The following NAV3 variants were observed in gnomAD, a reference collection of about 807,000 sequenced individuals.
The protein encoded by NAV3 is neuron navigator 3.
Under a neutral mutation model 244.7 loss-of-function variants are expected in NAV3, and 87 were observed. The observed-to-expected ratio is 0.36, with a 90% CI of 0.30 to 0.42. The LOEUF (loss-of-function observed/expected upper bound fraction) is 0.42. Among genes scored for constraint, NAV3 ranks in the 20% least tolerant of loss-of-function variants. The pLI is 1.00. For synonymous variants in NAV3, 1,126 were observed against 1,042.2 expected (o/e 1.08, Z -1.55); for missense variants, 2,663 against 2,893.3 (o/e 0.92, Z 1.83).
chr12:78,086,817 CA>C (rs1296284209), intron 12 of NAV3, among the ~76,000 whole-genome samples: 9 of 152,032 alleles, frequency 5.9e-5, no homozygotes, highest in Non-Finnish European at 1.2e-4. Context: ...TCAATCATTA[CA>C]TGTCCTCATC....
intron 38 of NAV3, among the ~76,000 whole-genome samples, chr12:78,204,574 A>T (rs576453410): frequency 6.4e-4 from 97 of 152,200 alleles, no homozygotes; most frequent in African/African-American, 2.2e-3. Flanking sequence ...TATTTTTTAA[A>T]ATCTTCCATA....
intron 12 of NAV3, among the ~76,000 whole-genome samples, chr12:78,116,418 C>T (rs539420130): frequency 6.6e-6 from 1 of 152,218 alleles, no homozygotes; most frequent in East Asian, 1.9e-4. Context: ...TTTGTACATG[C>T]TTTATGATTC....
intron 2 of NAV3, among the ~76,000 whole-genome samples, chr12:77,646,400 G>A (rs146027693): frequency 1.5e-3 from 221 of 152,240 alleles, no homozygotes; most frequent in African/African-American, 5.1e-3. Flanking sequence ...GTTTTCTGTT[G>A]AGCCCTTTGT....
chr12:77,793,714 A>C (rs1050917244), intron 2 of NAV3, among the ~76,000 whole-genome samples: 1 of 152,176 alleles, frequency 6.6e-6, no homozygotes, highest in Non-Finnish European at 1.5e-5. Flanking sequence ...TTCTTTATCC[A>C]GTCTATCATT....
Position 78,028,465 on chromosome 12 carries a change from A to G in NAV3, c.2023+6603A>G, listed in dbSNP as rs1265608202. Among the ~76,000 whole-genome samples the G allele has an allele frequency of 2.6e-5, 4 of 152,196 alleles. No individual in the cohort carries two copies. In the East Asian group the frequency reaches 7.7e-4, roughly 29 times the overall value. Reference sequence around the variant, plus strand: ...AAAATCTTTGATGCTGAAACAACACAAGTTTTGATGCCTCAGAAAGATACT... The same window carrying G: ...AAAATCTTTGATGCTGAAACAACACGAGTTTTGATGCCTCAGAAAGATACT... On this transcript the variant is annotated intron_variant, in intron 9 of 39. Transcript: ENST00000397909.
intron 20 of NAV3, among the ~76,000 whole-genome samples, chr12:78,142,369 G>A (rs150376911): frequency 6.8e-4 from 103 of 151,824 alleles, no homozygotes; most frequent in African/African-American, 2.4e-3. Context: ...AAAGTGTTCT[G>A]TATCTACACT....
chr12:77,733,123 G>A (rs924844919), intron 2 of NAV3, among the ~76,000 whole-genome samples: 1 of 151,982 alleles, frequency 6.6e-6, no homozygotes, highest in African/African-American at 2.4e-5. Context: ...AAATATCAGA[G>A]GAGGGGATAT....
chr12:77,957,874 C>T (rs1891515451), intron 3 of NAV3, among the ~76,000 whole-genome samples: 1 of 152,068 alleles, frequency 6.6e-6, no homozygotes, highest in Non-Finnish European at 1.5e-5. Context: ...CCATGTTGGC[C>T]AGGCTGGTTT....
At chr12:78,181,848 G>C (rs1357254239) in intron 30 of NAV3, among the ~76,000 whole-genome samples, 1 of 151,896 alleles carries the variant, frequency 6.6e-6, no homozygotes, top group East Asian at 1.9e-4. Context: ...TTAAAATACA[G>C]AAGGAGAAGG....
chr12:77,891,293 TATAAATTTATAAAG>T (rs1299288426), intron 1 of NAV3, among the ~76,000 whole-genome samples: 11 of 148,686 alleles, frequency 7.4e-5, no homozygotes, highest in Non-Finnish European at 1.3e-4. Context: ...TATAATTTAA[TATAAATTTATAAAG>T]ATAAATTTAT....
intron 1 of NAV3, among the ~76,000 whole-genome samples, chr12:77,833,327 TAATG>T (rs3078731): frequency 0.85 from 128,775 of 151,882 alleles, 54,778 homozygotes; most frequent in Non-Finnish European, 0.88. Flanking sequence ...ATACAGCAAT[TAATG>T]AATCAATGAA....
At chr12:77,917,825 A>T (rs573638520) in intron 1 of NAV3, among the ~76,000 whole-genome samples, 1 of 152,066 alleles carries the variant, frequency 6.6e-6, no homozygotes, top group African/African-American at 2.4e-5. Flanking sequence ...CCCAAATTAA[A>T]TACTTTCTAT....
intron 2 of NAV3, among the ~76,000 whole-genome samples, chr12:77,624,386 A>T (rs1871521593): frequency 6.6e-6 from 1 of 152,140 alleles, no homozygotes; most frequent in Non-Finnish European, 1.5e-5. Context: ...ACTCTGTGGT[A>T]ACCCATAGAA....
intron 1 of NAV3, among the ~76,000 whole-genome samples, chr12:77,892,765 G>A (rs1171528731): frequency 2.0e-5 from 3 of 152,084 alleles, no homozygotes; most frequent in Admixed American, 6.6e-5. Flanking sequence ...TGTAGATTTT[G>A]AGAAAATTAT....
intron 1 of NAV3, among the ~76,000 whole-genome samples, chr12:77,906,467 C>T (rs1413594361): frequency 2.0e-5 from 3 of 151,952 alleles, no homozygotes; most frequent in African/African-American, 4.8e-5. Flanking sequence ...ATAAAAAACA[C>T]ACTGCATTTT....
intron 12 of NAV3, among the ~76,000 whole-genome samples, chr12:78,078,033 C>T (rs1230497307): frequency 1.3e-5 from 2 of 150,990 alleles, no homozygotes; most frequent in African/African-American, 4.9e-5. Context: ...TTGAGGGCCA[C>T]GAGTGAGGGA....
chr12:77,730,429 A>C (rs1192800699), intron 2 of NAV3, among the ~76,000 whole-genome samples: 2 of 151,966 alleles, frequency 1.3e-5, no homozygotes, highest in Admixed American at 1.3e-4. Flanking sequence ...TGGAAATTAA[A>C]AGTGAGAAAA....
intron 1 of NAV3, among the ~76,000 whole-genome samples, chr12:77,845,758 A>G (rs1876524089): frequency 6.7e-6 from 1 of 149,000 alleles, no homozygotes; most frequent in Non-Finnish European, 1.5e-5. Context: ...GGTTCAAGTG[A>G]TTCTCCTGCC....
intron 2 of NAV3, among the ~76,000 whole-genome samples, chr12:77,580,932 A>C (rs553302669): frequency 4.6e-5 from 7 of 152,206 alleles, no homozygotes; most frequent in Non-Finnish European, 7.3e-5. Flanking sequence ...AGTAAGATGT[A>C]ATACTTGTTT....
Sources: gnomAD v4.1 joint callset for allele counts (sites outside exome capture counted in the v4.1 genomes callset) on GRCh38, gnomAD v4.1.1 for gene constraint, MANE v1.5 for transcripts, NCBI Gene and HGNC (gene_info 2026-07-23, HGNC 2026-07-21) for gene names.